The following ZNF222 variants were observed in gnomAD, a reference collection of about 807,000 sequenced individuals.
ZNF222 encodes the protein zinc finger protein 222.
ZNF222 carries 8 observed loss-of-function variants against 11.6 expected under a neutral mutation model. The observed-to-expected ratio is 0.69, with a 90% CI of 0.41 to 1.25. The LOEUF (loss-of-function observed/expected upper bound fraction) is 1.25, where lower values mean the gene tolerates loss of function less well. ZNF222 is among the 50% of genes most tolerant of loss of function. The pLI is 0.01. For synonymous variants in ZNF222, 171 were observed against 195.6 expected (o/e 0.87, Z 1.05); for missense variants, 483 against 576.1 (o/e 0.84, Z 1.65).
chr19:44,027,179 G>A (rs540979600), intron 2 of ZNF222, 30 bp downstream of exon 2: 332 of 1,612,902 alleles, frequency 2.1e-4, no homozygotes, highest in Admixed American at 1.2e-3. Flanking sequence ...GTAATGGAAT[G>A]TCAGGCCCCA....
Position 44,025,992 on chromosome 19 carries a change from G to T in ZNF222, c.42+514G>T. On this transcript the variant is annotated intron_variant, in intron 1 of 3. Transcript: ENST00000391960. The surrounding 1 kb of genome is among the most constrained non-coding windows in gnomAD (Gnocchi z 4.6). ...TAACTTTTATGGGGGACGGCAAAACGGTCAGGGTGTTTCACAGCTTTCTTT... is the reference window on the plus strand; with the variant it reads ...TAACTTTTATGGGGGACGGCAAAACTGTCAGGGTGTTTCACAGCTTTCTTT... The T allele has an allele frequency of 6.3e-7, 1 of 1,594,996 alleles. No homozygotes were observed. The highest frequency in any genetic ancestry group is 8.5e-7 in the Non-Finnish European group (1 of 1,173,130).
chr19:44,026,918 A>G, intron 1 of ZNF222, 105 bp from the exon 2 acceptor site: 1 of 1,539,372 alleles, frequency 6.5e-7, no homozygotes, highest in Non-Finnish European at 8.8e-7. Context: ...TATGTCTCTC[A>G]AGATCCAAAA....
chr19:44,032,133 C>T lies in ZNF222; in HGVS notation c.579C>T (p.Ser193=). The change falls in exon 4 of 4, where the codon AGC becomes AGT. Residue 193 remains serine, a synonymous_variant. Coordinates refer to ENST00000391960, the MANE Select transcript of ZNF222 (RefSeq NM_001129996.2). ...KSHTCDECGK[S]FCYISALHIH... ...ATACCTGTGATGAGTGTGGAAAAAG[C>T]TTCTGTTACATCTCAGCCCTTCATA... The T allele has an allele frequency of 1.9e-6, 3 of 1,614,202 alleles. No homozygotes were observed. The highest frequency in any genetic ancestry group is 2.5e-6 in the Non-Finnish European group (3 of 1,180,024).
chr19:44,032,985 C>T lies in ZNF222; in HGVS notation c.1431C>T (p.Arg477=). 1 of 1,570,048 alleles carries T rather than the reference C, an allele frequency of 6.4e-7. No individual in the cohort carries two copies. Among genetic ancestry groups the T allele is most frequent in the Non-Finnish European group, 8.6e-7 (1 of 1,166,226 alleles). ...CEDCGKRYKR[R]LNLDIILSLF... ...ACTGTGGGAAGCGCTACAAGAGGCG[C>T]TTGAATCTGGATATAATTTTATCAT... The change falls in exon 4 of 4, where the codon CGC becomes CGT. Residue 477 remains arginine (R), a synonymous_variant. Transcript: ENST00000391960.
intron 3 of ZNF222, among the ~76,000 whole-genome samples, chr19:44,029,743 T>G (rs566188187): frequency 6.6e-6 from 1 of 152,344 alleles, no homozygotes; most frequent in East Asian, 1.9e-4. Flanking sequence ...AATTAATATT[T>G]TCCAAGATTC....
chr19:44,032,016 A>C lies in ZNF222; in HGVS notation c.462A>C (p.Glu154Asp), dbSNP rs746040219. 6.2e-7 allele frequency: 1 copy of C among 1,614,158 alleles called. No homozygotes were observed. Among genetic ancestry groups the C allele is most frequent in the Admixed American group, 1.7e-5 (1 of 60,012 alleles). ...KARLSTVHTR[E>D]KPFQGENCKQ... ...GACTATCTACAGTTCACACAAGAGA[A>C]AAACCTTTCCAGGGTGAAAATTGTA... The change falls in exon 4 of 4, where the codon GAA (glutamate) becomes GAC (aspartate). Residue 154 changes from glutamate to aspartate, a missense_variant. Physicochemically the swap from Glu to Asp is conservative, Grantham distance 45. Transcript: ENST00000391960.
rs558912890 is a variant in ZNF222, at chr19:44,025,724, C to A, written c.42+246C>A. 2.6e-5 allele frequency among the ~76,000 whole-genome samples: 4 copies of A among 152,244 alleles called. No homozygotes were observed. In the South Asian group the frequency reaches 8.3e-4, roughly 32 times the overall value. ...TTGTTTGTTTTGTAACGGGACTTTT[C>A]GGACCATCCTAATGGATTCATTTTG... On this transcript the variant is annotated intron_variant, in intron 1 of 3. Transcript: ENST00000391960. The surrounding 1 kb of genome is among the most constrained non-coding windows in gnomAD (Gnocchi z 4.6).
chr19:44,029,186 GTTTTGTTTTTTT>G (rs1976445016), intron 3 of ZNF222, among the ~76,000 whole-genome samples: 104 of 97,836 alleles, frequency 1.1e-3, no homozygotes, highest in South Asian at 1.3e-3. Flanking sequence ...GGTTTGTTTT[GTTTTGTTTTTTT>G]TTTTTTTTTT....
chr19:44,025,400 G>T lies in ZNF222; in HGVS notation c.-37G>T. Reference sequence around the variant, plus strand: ...ATTTCCACATCTTGCGAGTCCTTCCGAACGAGTCTCCTTTCCTTGGGGCTC... The same window carrying T: ...ATTTCCACATCTTGCGAGTCCTTCCTAACGAGTCTCCTTTCCTTGGGGCTC... On this transcript the variant is annotated 5_prime_UTR_variant, in exon 1 of 4. Coordinates refer to ENST00000391960, the MANE Select transcript of ZNF222 (RefSeq NM_001129996.2). The surrounding 1 kb of genome is among the most constrained non-coding windows in gnomAD (Gnocchi z 4.6). 1.3e-6 allele frequency: 2 copies of T among 1,550,998 alleles called. No individual in the cohort carries two copies. The highest frequency in any genetic ancestry group is 1.7e-6 in the Non-Finnish European group (2 of 1,146,442).
rs1568505125 is a variant in ZNF222 at position 44,032,325 on chromosome 19, A to T, written c.771A>T (p.Lys257Asn). 1.9e-6 allele frequency: 3 copies of T among 1,614,084 alleles called. No homozygotes were observed. Among genetic ancestry groups the T allele is most frequent in the Non-Finnish European group, 2.5e-6 (3 of 1,179,994 alleles). Residue 257 changes from lysine to asparagine, a missense_variant, in exon 4 of 4, where the codon AAA becomes AAT. Physicochemically the swap from Lys to Asn is moderately conservative, Grantham distance 94. Coordinates refer to ENST00000391960, the MANE Select transcript of ZNF222 (RefSeq NM_001129996.2). ...GCTTCAGATGTAGATCAGCACTTAAAGTTCATTGCAAATTACACATGAGAG... is the reference window on the plus strand; with the variant it reads ...GCTTCAGATGTAGATCAGCACTTAATGTTCATTGCAAATTACACATGAGAG... ...GKGFRCRSALKVHCKLHMREK... is the reference protein window; with the variant it reads ...GKGFRCRSALNVHCKLHMREK...
In ZNF222 at chr19:44,032,424, T is replaced by C. The variant is rs140976613; in HGVS notation, c.870T>C (p.Ile290=). The C allele has an allele frequency of 0.013, 21,082 of 1,614,148 alleles. 182 individuals are homozygous for C. Among genetic ancestry groups the C allele is most frequent in the Non-Finnish European group, 0.016 (18,829 of 1,180,024 alleles). ...TCCAGCTTCAGAAACATCACAGAAT[T>C]CATACTGGGGAGAAGCCATTCAAAT... is the stretch of plus-strand genomic sequence containing the variant. ...HNFQLQKHHR[I]HTGEKPFKCE... The change falls in exon 4 of 4, where the codon ATT becomes ATC. Residue 290 remains isoleucine (I), a synonymous_variant. Transcript: ENST00000391960.
In ZNF222 at chr19:44,033,081, C is replaced by T. The variant is rs1228155729; in HGVS notation, c.*51C>T. On this transcript the variant is annotated 3_prime_UTR_variant, in exon 4 of 4. Transcript: ENST00000391960. The stretch of plus-strand genomic sequence containing the variant: ...ATTTGATACATGTATATAATGTGTG[C>T]TGATTAAATCAGTTTAATTTCACCT... The T allele has an allele frequency of 7.3e-6, 10 of 1,375,896 alleles. No individual in the cohort carries two copies. In the Admixed American group the frequency reaches 2.2e-4, roughly 30 times the overall value. 85.2% of individuals were successfully genotyped at this position (1,375,896 alleles called of 1,614,324 possible).
intron 3 of ZNF222, among the ~76,000 whole-genome samples, chr19:44,029,203 T>G (rs1022638142): frequency 2.7e-5 from 4 of 146,862 alleles, no homozygotes; most frequent in Admixed American, 1.3e-4. Context: ...TTTTTTTTTT[T>G]TTTTTTTTTT....
At position 44,025,986 on chromosome 19, in the gene ZNF222, C is replaced by G; in HGVS notation, c.42+508C>G. The G allele has an allele frequency of 1.3e-6, 2 of 1,583,194 alleles. No homozygotes were observed. The highest frequency in any genetic ancestry group is 1.7e-6 in the Non-Finnish European group (2 of 1,168,038). On this transcript the variant is annotated intron_variant, in intron 1 of 3. Coordinates refer to ENST00000391960, the MANE Select transcript of ZNF222 (RefSeq NM_001129996.2). This position sits in a 1 kb window ranked among gnomAD's most constrained non-coding sequence, Gnocchi z 4.6. ...AGCATTTAACTTTTATGGGGGACGG[C>G]AAAACGGTCAGGGTGTTTCACAGCT...
intron 3 of ZNF222, chr19:44,028,520 C>A (rs942656736): frequency 5.9e-6 from 2 of 341,044 alleles, no homozygotes; most frequent in East Asian, 4.3e-5. Context: ...TGGGAGAGGT[C>A]GTCTCCAAGC....
Position 44,026,966 on chromosome 19 carries a change from C to T in ZNF222, c.43-57C>T, listed in dbSNP as rs2147441639. On this transcript the variant is annotated intron_variant, in intron 1 of 3. Coordinates refer to ENST00000391960, the MANE Select transcript of ZNF222 (RefSeq NM_001129996.2). ...TGTCCCTTGTGCCAGTGCAATGCTG[C>T]TGTCTCCCAATAGTCTTTGGCCGTA... 9.9e-6 allele frequency: 16 copies of T among 1,608,600 alleles called. No homozygotes were observed. In the South Asian group the frequency reaches 1.5e-4, roughly 16 times the overall value.
chr19:44,032,976 C>A lies in ZNF222; in HGVS notation c.1422C>A (p.Tyr474Ter), dbSNP rs768620756. The A allele has an allele frequency of 2.5e-6, 4 of 1,575,766 alleles. No homozygotes were observed. The highest frequency in any genetic ancestry group is 3.4e-6 in the Non-Finnish European group (4 of 1,169,070). The change falls in exon 4 of 4, where the codon TAC becomes TAA. Residue 474 changes from tyrosine (Y) to a stop codon, truncating the protein, a stop_gained. Transcript: ENST00000391960. LOFTEE classifies it low-confidence loss of function (END_TRUNC). ...AATGTGAGGACTGTGGGAAGCGCTA[C>A]AAGAGGCGCTTGAATCTGGATATAA... ...PSKCEDCGKR[Y>*]KRRLNLDIIL...
chr19:44,027,269 A>T, intron 2 of ZNF222, 120 bp downstream of exon 2: 2 of 1,582,398 alleles, frequency 1.3e-6, no homozygotes, highest in Non-Finnish European at 1.7e-6. Context: ...TTGCCTGGCT[A>T]TTAGGTTGGT....
intron 1 of ZNF222, chr19:44,026,145 T>C (rs1280620688): frequency 1.3e-6 from 2 of 1,566,216 alleles, no homozygotes; most frequent in South Asian, 2.2e-5. Context: ...CGAGAGTGTG[T>C]AGGATTTGTC....
Sources: allele counts gnomAD v4.1 joint callset (sites outside exome capture counted in the v4.1 genomes callset), GRCh38; gene constraint gnomAD v4.1.1; non-coding constraint Gnocchi (gnomAD v3.1); transcripts MANE v1.5; gene names NCBI Gene and HGNC (gene_info 2026-07-23, HGNC 2026-07-21).